The following LRRC8D variants were observed in gnomAD, a reference collection of about 807,000 sequenced individuals.
The protein encoded by LRRC8D is volume-regulated anion channel subunit LRRC8D.
In LRRC8D, 20 loss-of-function variants were observed where a neutral mutation model predicts 55.8. The observed-to-expected ratio is 0.36, with a 90% CI of 0.25 to 0.52. The LOEUF (loss-of-function observed/expected upper bound fraction) is 0.52. Ranked by LOEUF, LRRC8D falls within the 20% of genes least tolerant of loss-of-function variation. The pLI is 0.93. For synonymous variants in LRRC8D, 352 were observed against 377.0 expected (o/e 0.93, Z 0.77); for missense variants, 651 against 1,030.8 (o/e 0.63, Z 5.05).
At chr1:89,844,622 C>T (rs1274256787) in intron 2 of LRRC8D, among the ~76,000 whole-genome samples, 1 of 152,196 alleles carries the variant, frequency 6.6e-6, no homozygotes, top group Non-Finnish European at 1.5e-5. Context: ...ATTATACTTT[C>T]ACTTCCACAT....
At chr1:89,864,956 C>T (rs992295510) in intron 2 of LRRC8D, among the ~76,000 whole-genome samples, 1 of 152,124 alleles carries the variant, frequency 6.6e-6, no homozygotes, top group Non-Finnish European at 1.5e-5. Flanking sequence ...ACTCCTGTGT[C>T]TTCTTTTGGT....
intron 2 of LRRC8D, among the ~76,000 whole-genome samples, chr1:89,884,305 C>A (rs957033728): frequency 2.0e-5 from 3 of 152,110 alleles, no homozygotes; most frequent in African/African-American, 7.2e-5. Context: ...GTAATGGAGC[C>A]CTTTCTATTT....
intron 2 of LRRC8D, among the ~76,000 whole-genome samples, chr1:89,861,735 A>G (rs956287297): frequency 1.8e-4 from 28 of 152,258 alleles, no homozygotes; most frequent in Non-Finnish European, 1.5e-4. Flanking sequence ...CCATGAAAGC[A>G]TCAGATAGCA....
chr1:89,929,681 T>C (rs1663651153), intron 2 of LRRC8D: 1 of 152,246 alleles, frequency 6.6e-6, no homozygotes, highest in Non-Finnish European at 1.5e-5. Context: ...CATTGTTGTG[T>C]AAATATCAGA....
chr1:89,822,117 G>A (rs1344878735), intron 1 of LRRC8D: 1 of 152,666 alleles, frequency 6.6e-6, no homozygotes, highest in Non-Finnish European at 1.5e-5. Context: ...GCAGATAAAT[G>A]AGATTTTTTG....
intron 2 of LRRC8D, among the ~76,000 whole-genome samples, chr1:89,848,472 T>C (rs1201994773): frequency 6.6e-6 from 1 of 152,158 alleles, no homozygotes; most frequent in Non-Finnish European, 1.5e-5. Flanking sequence ...CTCTCTGATT[T>C]CTGTGTGTGT....
At chr1:89,855,609 G>A (rs1661533169) in intron 2 of LRRC8D, among the ~76,000 whole-genome samples, 1 of 152,188 alleles carries the variant, frequency 6.6e-6, no homozygotes, top group Admixed American at 6.5e-5. Flanking sequence ...AACAGTTTTT[G>A]TGAGGCATCT....
At chr1:89,879,965 A>C (rs892640278) in intron 2 of LRRC8D, among the ~76,000 whole-genome samples, 5 of 152,156 alleles carry the variant, frequency 3.3e-5, no homozygotes, top group African/African-American at 1.2e-4. Flanking sequence ...TTCCTGGAGC[A>C]ATCTAGAGAG....
intron 2 of LRRC8D, among the ~76,000 whole-genome samples, chr1:89,870,959 G>C (rs1490075631): frequency 1.3e-5 from 2 of 152,200 alleles, no homozygotes; most frequent in African/African-American, 2.4e-5. Context: ...CTTCTACCTA[G>C]ACATAGAATT....
At chr1:89,896,369 A>G (rs1347175683) in intron 2 of LRRC8D, among the ~76,000 whole-genome samples, 1 of 152,152 alleles carries the variant, frequency 6.6e-6, no homozygotes, top group African/African-American at 2.4e-5. Flanking sequence ...AGGGGAAGCA[A>G]GATAAAAATG....
intron 2 of LRRC8D, among the ~76,000 whole-genome samples, chr1:89,893,020 G>A (rs969583112): frequency 2.0e-5 from 3 of 152,050 alleles, no homozygotes; most frequent in Admixed American, 6.5e-5. Flanking sequence ...TATATGACAG[G>A]TACTGTCCTA....
Position 89,934,827 on chromosome 1 carries a change from T to C in LRRC8D, c.1759T>C (p.Leu587=). The C allele has an allele frequency of 6.2e-7, 1 of 1,614,034 alleles. No individual in the cohort carries two copies. Among genetic ancestry groups the C allele is most frequent in the East Asian group, 2.2e-5 (1 of 44,876 alleles). ...KMIGLESLRE[L]RHLKILHVKS... is the part of the protein sequence containing the mutation. Reference sequence around the variant, plus strand: ...GATAGGACTTGAATCTCTCCGAGAGTTGCGGCACCTTAAGATTCTCCACGT... The same window carrying C: ...GATAGGACTTGAATCTCTCCGAGAGCTGCGGCACCTTAAGATTCTCCACGT... The change falls in exon 3 of 3, where the codon TTG becomes CTG. Residue 587 remains leucine, a synonymous_variant. Transcript: ENST00000337338. This position sits in a 1 kb window ranked among gnomAD's most constrained non-coding sequence, Gnocchi z 5.9.
intron 1 of LRRC8D, among the ~76,000 whole-genome samples, chr1:89,825,979 G>A (rs1660752173): frequency 6.6e-6 from 1 of 152,206 alleles, no homozygotes; most frequent in South Asian, 2.1e-4. Flanking sequence ...CTTTGTTAGT[G>A]TGTTGGCTGT....
intron 2 of LRRC8D, among the ~76,000 whole-genome samples, chr1:89,899,896 A>G (rs988175596): frequency 5.3e-5 from 8 of 152,244 alleles, no homozygotes; most frequent in African/African-American, 1.9e-4. Flanking sequence ...CAGCTAAAGA[A>G]TATGTGTGAT....
intron 2 of LRRC8D, among the ~76,000 whole-genome samples, chr1:89,870,248 G>A (rs959697032): frequency 1.1e-4 from 16 of 151,770 alleles, no homozygotes; most frequent in South Asian, 2.1e-4. Context: ...AGGCTGAGGC[G>A]GGTGGATCAC....
intron 2 of LRRC8D, among the ~76,000 whole-genome samples, chr1:89,894,359 G>A (rs1218882680): frequency 6.6e-6 from 1 of 152,170 alleles, no homozygotes; most frequent in Non-Finnish European, 1.5e-5. Flanking sequence ...AGAGTGAGCC[G>A]AGCACATAGC....
chr1:89,857,110 A>C (rs1413674530), intron 2 of LRRC8D, among the ~76,000 whole-genome samples: 2 of 152,300 alleles, frequency 1.3e-5, no homozygotes, highest in East Asian at 3.9e-4. Flanking sequence ...GGGGTCAGGC[A>C]CGGTGGCTCA....
intron 2 of LRRC8D, among the ~76,000 whole-genome samples, chr1:89,932,501 T>C (rs918247999): frequency 2.6e-5 from 4 of 152,216 alleles, no homozygotes; most frequent in African/African-American, 9.7e-5. Flanking sequence ...GAGGATGTGC[T>C]AAGAGCGTTA....
intron 2 of LRRC8D, among the ~76,000 whole-genome samples, chr1:89,899,098 T>G (rs1466530308): frequency 6.6e-6 from 1 of 152,246 alleles, no homozygotes; most frequent in Non-Finnish European, 1.5e-5. Flanking sequence ...ATACTACAGT[T>G]GCAGAGGAAC....
Sources: allele counts gnomAD v4.1 joint callset (sites outside exome capture counted in the v4.1 genomes callset), GRCh38; gene constraint gnomAD v4.1.1; non-coding constraint Gnocchi (gnomAD v3.1); transcripts MANE v1.5; gene names NCBI Gene and HGNC (gene_info 2026-07-23, HGNC 2026-07-21).